The following ADAMTS12 variants were observed in gnomAD, a reference collection of about 807,000 sequenced individuals.
ADAMTS12 encodes the protein ADAM metallopeptidase with thrombospondin type 1 motif 12.
In ADAMTS12, 118 loss-of-function variants were observed where a neutral mutation model predicts 167.8. That is an observed-to-expected ratio of 0.70 (90% CI 0.61 to 0.82). The LOEUF (loss-of-function observed/expected upper bound fraction) is 0.82, where lower values mean the gene tolerates loss of function less well. ADAMTS12 is among the 40% of genes least tolerant of loss of function. The pLI, the probability that ADAMTS12 is intolerant of heterozygous loss-of-function variation, is 0.00. For synonymous variants in ADAMTS12, 704 were observed against 716.9 expected, an observed-to-expected ratio of 0.98 and a Z score of 0.29; for missense variants, 1,916 against 1,998.8, an observed-to-expected ratio of 0.96 and a Z score of 0.79.
At chr5:33,668,851 T>C (rs537968352) in intron 5 of ADAMTS12, among the ~76,000 whole-genome samples, 160 of 152,318 alleles carry the variant, frequency 1.1e-3, no homozygotes, top group Non-Finnish European at 1.8e-3. Flanking sequence ...TCAGTCACCA[T>C]TTATCAGACT....
chr5:33,610,061 C>T (rs1009728093), intron 16 of ADAMTS12, among the ~76,000 whole-genome samples: 1 of 152,084 alleles, frequency 6.6e-6, no homozygotes, highest in Non-Finnish European at 1.5e-5. Flanking sequence ...TGCCTGTAAT[C>T]CCAGCTACTC....
chr5:33,748,787 C>A (rs1188140105), intron 3 of ADAMTS12, among the ~76,000 whole-genome samples: 4 of 152,130 alleles, frequency 2.6e-5, no homozygotes, highest in Non-Finnish European at 5.9e-5. Flanking sequence ...GTTAATGACA[C>A]CACCACTGTC....
intron 7 of ADAMTS12, among the ~76,000 whole-genome samples, chr5:33,652,836 A>C (rs1270055572): frequency 2.0e-5 from 3 of 152,098 alleles, no homozygotes; most frequent in African/African-American, 7.2e-5. Context: ...GCGTGTGGCT[A>C]TCCAATTTTG....
At chr5:33,804,064 G>C (rs1747121720) in intron 2 of ADAMTS12, among the ~76,000 whole-genome samples, 1 of 152,126 alleles carries the variant, frequency 6.6e-6, no homozygotes, top group Admixed American at 6.5e-5. Context: ...AATGGAGACA[G>C]ATATAACACA....
At chr5:33,794,628 TACGC>T (rs1746704228) in intron 2 of ADAMTS12, among the ~76,000 whole-genome samples, 2 of 117,474 alleles carry the variant, frequency 1.7e-5, no homozygotes, top group African/African-American at 6.6e-5. Context: ...CACTTCTTCC[TACGC>T]TCCATTTTCC....
chr5:33,689,868 A>G (rs1742488185), intron 3 of ADAMTS12, among the ~76,000 whole-genome samples: 1 of 152,216 alleles, frequency 6.6e-6, no homozygotes, highest in Non-Finnish European at 1.5e-5. Context: ...ATTATGCAAA[A>G]AGTAAAGAAA....
At chr5:33,826,315 A>G (rs1257360455) in intron 2 of ADAMTS12, among the ~76,000 whole-genome samples, 1 of 152,134 alleles carries the variant, frequency 6.6e-6, no homozygotes, top group Non-Finnish European at 1.5e-5. Flanking sequence ...TAGTCTGCTC[A>G]GTGAGGGCAA....
chr5:33,654,984 C>T (rs559304387), intron 7 of ADAMTS12, among the ~76,000 whole-genome samples: 5 of 151,782 alleles, frequency 3.3e-5, no homozygotes, highest in Admixed American at 3.3e-4. Context: ...GGGAATTCAC[C>T]ACCATGTCAC....
intron 2 of ADAMTS12, among the ~76,000 whole-genome samples, chr5:33,803,611 G>A (rs2197517): frequency 0.23 from 34,937 of 152,086 alleles, 4,748 homozygotes; most frequent in East Asian, 0.4. Context: ...GTCTGTTCTC[G>A]CACTGCTAAT....
At chr5:33,626,900 G>A (rs1739666336) in intron 13 of ADAMTS12, among the ~76,000 whole-genome samples, 1 of 150,674 alleles carries the variant, frequency 6.6e-6, no homozygotes, top group South Asian at 2.1e-4. Flanking sequence ...GTGATTTGAT[G>A]GTGGTGATGG....
At chr5:33,602,545 A>T (rs988183959) in intron 16 of ADAMTS12, among the ~76,000 whole-genome samples, 1 of 152,200 alleles carries the variant, frequency 6.6e-6, no homozygotes, top group Non-Finnish European at 1.5e-5. Context: ...ATGGTGGACA[A>T]AGTCAGATGG....
intron 2 of ADAMTS12, among the ~76,000 whole-genome samples, chr5:33,759,193 G>C (rs886251707): frequency 6.6e-6 from 1 of 152,224 alleles, no homozygotes; most frequent in Non-Finnish European, 1.5e-5. Flanking sequence ...GCAGAATCAA[G>C]CAAACTCCCA....
intron 3 of ADAMTS12, among the ~76,000 whole-genome samples, chr5:33,704,341 T>C (rs1274839215): frequency 2.6e-5 from 4 of 152,238 alleles, no homozygotes; most frequent in Admixed American, 2.6e-4. Flanking sequence ...GATCCAGGTT[T>C]CAATTCCTTT....
At chr5:33,574,587 G>C (rs1479269534) in intron 19 of ADAMTS12, among the ~76,000 whole-genome samples, 1 of 136,922 alleles carries the variant, frequency 7.3e-6, no homozygotes, top group African/African-American at 2.7e-5. Flanking sequence ...TCACACTCTG[G>C]GGACTGTTGT....
intron 3 of ADAMTS12, among the ~76,000 whole-genome samples, chr5:33,691,729 A>G (rs1386655789): frequency 6.6e-6 from 1 of 152,206 alleles, no homozygotes; most frequent in Non-Finnish European, 1.5e-5. Context: ...AGACAAGACC[A>G]TGCTGGAACT....
At chr5:33,731,606 G>A (rs1744196898) in intron 3 of ADAMTS12, among the ~76,000 whole-genome samples, 1 of 152,196 alleles carries the variant, frequency 6.6e-6, no homozygotes, top group Non-Finnish European at 1.5e-5. Flanking sequence ...TAGGACATCA[G>A]GAAAGGCAGA....
rs972212071 is a variant in ADAMTS12, at chr5:33,527,111, G to A, written c.*77C>T. On this transcript the variant is annotated 3_prime_UTR_variant, in exon 24 of 24. Coordinates refer to ENST00000504830, the MANE Select transcript of ADAMTS12 (RefSeq NM_030955.4). ...GAAATATATGAAGCAAAACCTCAAC[G>A]AAGCAGCTCCCAGGGCTAAAGCATG... is the stretch of plus-strand genomic sequence containing the variant. 26 of 1,541,198 alleles carry A rather than the reference G, an allele frequency of 1.7e-5. No homozygotes were observed. The highest frequency in any genetic ancestry group is 1.9e-4 in the Middle Eastern group (1 of 5,196).
At chr5:33,540,565 C>T (rs75610429) in intron 22 of ADAMTS12, among the ~76,000 whole-genome samples, 14,616 of 152,268 alleles carry the variant, frequency 0.096, 1,230 homozygotes, top group East Asian at 0.3. Context: ...CAGGGGCCAA[C>T]AGACACATCA....
chr5:33,527,186 G>A lies in ADAMTS12; in HGVS notation c.*2C>T, dbSNP rs147123080. ...CTGGTGGAAGCTGGCTTCCTTTTGG[G>A]CTTAGAGTTCTTTTGACTTTTGGAG... On this transcript the variant is annotated 3_prime_UTR_variant, in exon 24 of 24. Coordinates refer to ENST00000504830, the MANE Select transcript of ADAMTS12 (RefSeq NM_030955.4). 144 of 1,614,160 alleles carry A rather than the reference G, an allele frequency of 8.9e-5. No homozygotes were observed. In the Middle Eastern group the frequency reaches 1.5e-3, roughly 17 times the overall value.
Sources: allele counts gnomAD v4.1 joint callset (sites outside exome capture counted in the v4.1 genomes callset), GRCh38; gene constraint gnomAD v4.1.1; transcripts MANE v1.5; gene names NCBI Gene and HGNC (gene_info 2026-07-23, HGNC 2026-07-21).